CCDC169: variants seen among roughly 807,000 people sequenced by gnomAD.
CCDC169 encodes the protein coiled-coil domain containing 169, also known as coiled-coil domain-containing protein 169.
A neutral mutation model predicts 36.0 loss-of-function variants in CCDC169; 30 were observed. The ratio of observed to expected loss-of-function variants is 0.83; its 90% CI spans 0.62 to 1.13. The LOEUF (loss-of-function observed/expected upper bound fraction) is 1.13, where lower values mean the gene tolerates loss of function less well. Among genes scored for constraint, CCDC169 ranks in the 50% most tolerant of loss-of-function variants. The pLI is 0.00. For missense variants in CCDC169, 245 were observed against 245.9 expected (o/e 1.00, Z 0.03); for synonymous variants, 85 against 81.5 (o/e 1.04, Z -0.23).
In CCDC169 at chr13:36,272,530, T is replaced by C. The variant is rs556110045; in HGVS notation, c.315+10939A>G. ...TGGGTCACCACACTAACTTTTCTAT[T>C]TTTTTAAATTATTTTTTCTCTCATT... On this transcript the variant is annotated intron_variant, in intron 4 of 7. Coordinates refer to ENST00000239859, the MANE Select transcript of CCDC169 (RefSeq NM_001144981.3). 2.6e-5 allele frequency among the ~76,000 whole-genome samples: 4 copies of C among 152,292 alleles called. No homozygotes were observed. In the South Asian group the frequency reaches 8.3e-4, roughly 32 times the overall value.
At chr13:36,226,952 T>G (rs758311718), downstream of CCDC169, 21 of 421,886 alleles carry the variant, frequency 5.0e-5, no homozygotes, top group Non-Finnish European at 8.8e-5. Flanking sequence ...AAATAAAAAT[T>G]GAAATAAATA....
intron 7 of CCDC169, among the ~76,000 whole-genome samples, chr13:36,237,969 A>G (rs1871287095): frequency 6.6e-6 from 1 of 152,130 alleles, no homozygotes; most frequent in African/African-American, 2.4e-5. Context: ...TTGTAAGCGC[A>G]CTCTGATGTT....
At chr13:36,255,435 G>A (rs756339961) in intron 4 of CCDC169, among the ~76,000 whole-genome samples, 2 of 152,068 alleles carry the variant, frequency 1.3e-5, no homozygotes, top group Admixed American at 6.6e-5. Context: ...AGGCCGAGGC[G>A]GGTAGATCAC....
At chr13:36,287,329 A>G (rs1408410577) in intron 2 of CCDC169, among the ~76,000 whole-genome samples, 2 of 151,906 alleles carry the variant, frequency 1.3e-5, no homozygotes, top group Non-Finnish European at 2.9e-5. Flanking sequence ...TGCCATAGAG[A>G]CTCCTTTACC....
intron 4 of CCDC169, among the ~76,000 whole-genome samples, chr13:36,281,960 A>G (rs1877594979): frequency 6.6e-6 from 1 of 152,250 alleles, no homozygotes; most frequent in Non-Finnish European, 1.5e-5. Context: ...CACTTTAATG[A>G]TATAGTTTAA....
chr13:36,293,840 A>G (rs1879184620), intron 2 of CCDC169, among the ~76,000 whole-genome samples: 1 of 152,122 alleles, frequency 6.6e-6, no homozygotes, highest in South Asian at 2.1e-4. Flanking sequence ...CCACAGAATT[A>G]TAAGAGTTTG....
chr13:36,249,155 A>G (rs549167907), intron 6 of CCDC169, among the ~76,000 whole-genome samples: 20 of 152,332 alleles, frequency 1.3e-4, no homozygotes, highest in African/African-American at 4.6e-4. Flanking sequence ...GTAATCTGCA[A>G]TTCAGAAACA....
At chr13:36,267,613 T>C (rs1282869946) in intron 4 of CCDC169, among the ~76,000 whole-genome samples, 1 of 152,168 alleles carries the variant, frequency 6.6e-6, no homozygotes, top group Non-Finnish European at 1.5e-5. Flanking sequence ...TATCTCAATA[T>C]TAACACTGAA....
intron 2 of CCDC169, among the ~76,000 whole-genome samples, chr13:36,289,839 T>C (rs1878659776): frequency 6.6e-6 from 1 of 152,224 alleles, no homozygotes. Context: ...GGATCTGTTT[T>C]AATCAAATGT....
chr13:36,236,326 G>A (rs1161189222), intron 7 of CCDC169, among the ~76,000 whole-genome samples: 2 of 151,956 alleles, frequency 1.3e-5, no homozygotes, highest in African/African-American at 2.4e-5. Context: ...AACACAACTG[G>A]GAGTCTAAGA....
intron 4 of CCDC169, among the ~76,000 whole-genome samples, chr13:36,278,956 C>T (rs1877177110): frequency 6.6e-6 from 1 of 152,092 alleles, no homozygotes; most frequent in African/African-American, 2.4e-5. Flanking sequence ...CATTGTAATC[C>T]ATGAAGTTAT....
chr13:36,282,776 C>A (rs9547074), intron 4 of CCDC169: 39,147 of 154,308 alleles, frequency 0.25, 5,254 homozygotes, highest in East Asian at 0.49. Context: ...TCCAGAGTCT[C>A]AGGTAGTAGT....
At chr13:36,227,098 A>C, downstream of CCDC169, 1 of 646,412 alleles carries the variant, frequency 1.5e-6, no homozygotes, top group Non-Finnish European at 2.4e-6. Flanking sequence ...AAACCAGCAG[A>C]GTGGGTCCCA....
chr13:36,233,323 C>A (rs960905585), intron 7 of CCDC169, among the ~76,000 whole-genome samples: 1 of 152,046 alleles, frequency 6.6e-6, no homozygotes, highest in Admixed American at 6.6e-5. Context: ...CAACAACAAA[C>A]CCTGGGGAGG....
chr13:36,283,885 G>A (rs1477301301), intron 2 of CCDC169, among the ~76,000 whole-genome samples, 183 bp from the exon 3 acceptor site: 1 of 152,092 alleles, frequency 6.6e-6, no homozygotes, highest in Non-Finnish European at 1.5e-5. Context: ...CAGACTGCAA[G>A]AATTAGACTC....
intron 4 of CCDC169, among the ~76,000 whole-genome samples, chr13:36,254,469 G>A (rs1036483759): frequency 4.6e-5 from 7 of 151,852 alleles, no homozygotes; most frequent in East Asian, 1.9e-4. Context: ...TAGAGACGTG[G>A]TTTCACTATG....
At chr13:36,239,025 A>T (rs1209093197) in intron 7 of CCDC169, among the ~76,000 whole-genome samples, 1 of 152,010 alleles carries the variant, frequency 6.6e-6, no homozygotes, top group Admixed American at 6.6e-5. Flanking sequence ...AGCCCAGGAG[A>T]TTAATACCAG....
chr13:36,256,287 C>T (rs1194724334), intron 4 of CCDC169, among the ~76,000 whole-genome samples: 1 of 152,126 alleles, frequency 6.6e-6, no homozygotes, highest in East Asian at 1.9e-4. Context: ...TGAAGAAATA[C>T]CCGACACTAG....
chr13:36,253,493 C>T (rs938666405), intron 6 of CCDC169, among the ~76,000 whole-genome samples: 20 of 152,110 alleles, frequency 1.3e-4, no homozygotes, highest in Admixed American at 2.0e-4. Flanking sequence ...CCCACCACCA[C>T]GCCCAACTAA....
Sources: allele counts gnomAD v4.1 joint callset (sites outside exome capture counted in the v4.1 genomes callset), GRCh38; gene constraint gnomAD v4.1.1; transcripts MANE v1.5; gene names NCBI Gene and HGNC (gene_info 2026-07-23, HGNC 2026-07-21).